The following CDH12 variants were observed in gnomAD, a reference collection of about 807,000 sequenced individuals.
The protein encoded by CDH12 is cadherin 12, also known as cadherin-12.
CDH12 carries 41 observed loss-of-function variants against 74.1 expected under a neutral mutation model. That is an observed-to-expected ratio of 0.55 (90% CI 0.43 to 0.72). CDH12 has a LOEUF of 0.72. CDH12 is among the 30% of genes least tolerant of loss of function. The pLI is 0.00. For synonymous variants in CDH12, 399 were observed against 355.0 expected (o/e 1.12, Z -1.39); for missense variants, 945 against 977.2 (o/e 0.97, Z 0.44).
intron 4 of CDH12, chr5:22,142,990 G>T (rs568861718): frequency 1.8e-4 from 41 of 224,216 alleles, no homozygotes; most frequent in Middle Eastern, 1.1e-3. Flanking sequence ...AGCCCATAAT[G>T]TTACTGTAAC....
chr5:22,313,240 T>C (rs539706592), intron 3 of CDH12, among the ~76,000 whole-genome samples: 3 of 152,324 alleles, frequency 2.0e-5, no homozygotes, highest in Non-Finnish European at 4.4e-5. Flanking sequence ...GTATTAAACT[T>C]TTTTATCAAG....
At chr5:22,080,429 C>T (rs982275221) in intron 4 of CDH12, among the ~76,000 whole-genome samples, 4 of 151,796 alleles carry the variant, frequency 2.6e-5, no homozygotes, top group East Asian at 1.9e-4. Flanking sequence ...AAAATAAAAC[C>T]GGATATAAAT....
At chr5:22,633,242 A>C (rs1738673344) in intron 1 of CDH12, among the ~76,000 whole-genome samples, 1 of 152,236 alleles carries the variant, frequency 6.6e-6, no homozygotes, top group Admixed American at 6.5e-5. Flanking sequence ...AATAACATGA[A>C]TAAACAAAAG....
At chr5:22,462,862 A>T (rs2126588826) in intron 2 of CDH12, among the ~76,000 whole-genome samples, 1 of 152,272 alleles carries the variant, frequency 6.6e-6, no homozygotes, top group Admixed American at 6.5e-5. Context: ...GCATATAAAC[A>T]CTGTTAATTT....
chr5:22,175,090 C>T (rs1283631559), intron 4 of CDH12, among the ~76,000 whole-genome samples: 1 of 151,882 alleles, frequency 6.6e-6, no homozygotes, highest in African/African-American at 2.4e-5. Context: ...TTAGCACATA[C>T]AAAAACCCTC....
chr5:22,625,505 C>A (rs1230499190), intron 1 of CDH12, among the ~76,000 whole-genome samples: 1 of 152,090 alleles, frequency 6.6e-6, no homozygotes, highest in Non-Finnish European at 1.5e-5. Context: ...GTATGGAGCC[C>A]AAAGAATTTG....
At chr5:22,358,873 G>A (rs1740677258) in intron 3 of CDH12, among the ~76,000 whole-genome samples, 1 of 152,050 alleles carries the variant, frequency 6.6e-6, no homozygotes, top group Non-Finnish European at 1.5e-5. Context: ...TAACTACAAA[G>A]TAGCTGTTTA....
rs1182774079 is a variant in CDH12, at chr5:22,787,951, A to G, written c.-523+65107T>C. 2.6e-5 allele frequency among the ~76,000 whole-genome samples: 4 copies of G among 152,144 alleles called. No individual in the cohort carries two copies. In the South Asian group the frequency reaches 8.3e-4, roughly 32 times the overall value. ...GATGACATACCAACACTTTTGCTGT[A>G]TTTTGTATATTAGAAATGAGTCAGT... On this transcript the variant is annotated intron_variant, in intron 1 of 14. Coordinates refer to ENST00000382254, the MANE Select transcript of CDH12 (RefSeq NM_004061.5).
At chr5:22,235,053 G>A (rs139448686) in intron 3 of CDH12, among the ~76,000 whole-genome samples, 1,957 of 152,100 alleles carry the variant, frequency 0.013, 20 homozygotes, top group South Asian at 0.018. Context: ...TTTGACTATC[G>A]TAAAGAAATA....
intron 1 of CDH12, among the ~76,000 whole-genome samples, chr5:22,629,374 A>G (rs778960996): frequency 2.8e-4 from 43 of 152,074 alleles, no homozygotes; most frequent in Non-Finnish European, 5.4e-4. Flanking sequence ...ACAAAATACT[A>G]GCAAACTGAA....
At chr5:22,331,003 C>T (rs746559143) in intron 3 of CDH12, among the ~76,000 whole-genome samples, 3 of 152,030 alleles carry the variant, frequency 2.0e-5, no homozygotes, top group Middle Eastern at 3.4e-3. Context: ...TGAACATCAG[C>T]GGTAGCCTAG....
intron 1 of CDH12, among the ~76,000 whole-genome samples, chr5:22,591,423 T>C (rs1160062877): frequency 6.6e-6 from 1 of 152,206 alleles, no homozygotes; most frequent in South Asian, 2.1e-4. Flanking sequence ...AAATGGCATG[T>C]TTGTAATTTT....
At chr5:22,465,448 C>A (rs1041148630) in intron 2 of CDH12, among the ~76,000 whole-genome samples, 9 of 152,104 alleles carry the variant, frequency 5.9e-5, no homozygotes, top group African/African-American at 1.9e-4. Context: ...CAGTTTAAAA[C>A]CAGCCTGGGT....
chr5:21,916,047 A>G (rs1310341121), intron 6 of CDH12, among the ~76,000 whole-genome samples: 1 of 152,106 alleles, frequency 6.6e-6, no homozygotes, highest in Non-Finnish European at 1.5e-5. Context: ...TCATGTTTCC[A>G]TATTTTCTTA....
At chr5:22,152,988 A>G (rs1747699145) in intron 4 of CDH12, among the ~76,000 whole-genome samples, 1 of 152,078 alleles carries the variant, frequency 6.6e-6, no homozygotes, top group Non-Finnish European at 1.5e-5. Context: ...CATATGCCAC[A>G]ATTTATTTAC....
At position 22,258,470 on chromosome 5, in the gene CDH12, G is replaced by A. The variant is rs1580454702; in HGVS notation, c.-332-45827C>T. ...CACCACCAACCTCTTAAAAGAATAAGATAACAGCATATCTATAGTAAAACC... is the reference window on the plus strand; with the variant it reads ...CACCACCAACCTCTTAAAAGAATAAAATAACAGCATATCTATAGTAAAACC... On this transcript the variant is annotated intron_variant, in intron 3 of 14. Transcript: ENST00000382254. Among the ~76,000 whole-genome samples the A allele has an allele frequency of 2.0e-5, 3 of 151,422 alleles. No homozygotes were observed. The East Asian group carries it at 5.8e-4, about 29-fold the overall frequency.
rs2150377531 is a variant in CDH12 at position 22,235,373 on chromosome 5, G to C, written c.-332-22730C>G. On this transcript the variant is annotated intron_variant, in intron 3 of 14. Coordinates refer to ENST00000382254, the MANE Select transcript of CDH12 (RefSeq NM_004061.5). ...AGGCTGGGGGATCACTAGAGGTCAG[G>C]AATTCAAGACCATCCTGGCCAACAT... Among the ~76,000 whole-genome samples the C allele has an allele frequency of 2.0e-5, 3 of 152,190 alleles. No individual in the cohort carries two copies. In the East Asian group the frequency reaches 5.8e-4, roughly 29 times the overall value.
intron 3 of CDH12, among the ~76,000 whole-genome samples, chr5:22,378,338 C>T (rs1247819189): frequency 6.6e-6 from 1 of 152,088 alleles, no homozygotes; most frequent in Non-Finnish European, 1.5e-5. Flanking sequence ...CTGCCAAAAA[C>T]TATTTCATTG....
At chr5:22,581,453 T>C (rs1327863273) in intron 1 of CDH12, among the ~76,000 whole-genome samples, 3 of 152,168 alleles carry the variant, frequency 2.0e-5, no homozygotes, top group Non-Finnish European at 1.5e-5. Context: ...TGCAGAGGTT[T>C]CCATACATCC....
Sources: allele counts gnomAD v4.1 joint callset (sites outside exome capture counted in the v4.1 genomes callset), GRCh38; gene constraint gnomAD v4.1.1; transcripts MANE v1.5; gene names NCBI Gene and HGNC (gene_info 2026-07-23, HGNC 2026-07-21).